DIP2C: variants seen among roughly 807,000 people sequenced by gnomAD.
DIP2C encodes disco-interacting protein 2 homolog C.
A neutral mutation model predicts 192.4 loss-of-function variants in DIP2C; 33 were observed. The observed-to-expected ratio is 0.17, with a 90% CI of 0.13 to 0.23. The LOEUF (loss-of-function observed/expected upper bound fraction) is 0.23, where lower values mean the gene tolerates loss of function less well. DIP2C is among the 10% of genes least tolerant of loss of function. The probability of loss-of-function intolerance (pLI) is 1.00; values close to 1 mark genes in which losing one functional copy is unlikely to be tolerated. For synonymous variants in DIP2C, 979 were observed against 864.1 expected (o/e 1.13, Z -2.33); for missense variants, 1,537 against 2,110.1 (o/e 0.73, Z 5.32).
chr10:387,802 G>C lies in DIP2C; in HGVS notation c.1605C>G (p.Thr535=), dbSNP rs756938154. Residue 535 remains threonine, a synonymous_variant, in exon 14 of 37, where the codon ACC becomes ACG. Coordinates refer to ENST00000280886, the MANE Select transcript of DIP2C (RefSeq NM_014974.3). ...TQACGYTEAE[T]IVNVLDFKKD... is the part of the protein sequence containing the mutation. Reference sequence around the variant, plus strand: ...TCTTGAAATCCAGCACATTCACAATGGTTTCAGCTGCACAACAGAGGGAGT... The same window carrying C: ...TCTTGAAATCCAGCACATTCACAATCGTTTCAGCTGCACAACAGAGGGAGT... 21 of 1,614,124 alleles carry C rather than the reference G, an allele frequency of 1.3e-5. No individual in the cohort carries two copies. The South Asian group carries it at 2.2e-4, about 17-fold the overall frequency.
intron 17 of DIP2C, among the ~76,000 whole-genome samples, chr10:375,577 G>A (rs1472172816): frequency 1.3e-5 from 2 of 152,202 alleles, no homozygotes; most frequent in East Asian, 3.8e-4. Context: ...TTGCACCACT[G>A]ACTTGTCATA....
At chr10:449,470 C>G (rs1968650695) in intron 3 of DIP2C, among the ~76,000 whole-genome samples, 2 of 151,958 alleles carry the variant, frequency 1.3e-5, no homozygotes, top group African/African-American at 4.8e-5. Flanking sequence ...CGGTACTTTC[C>G]TACTCTTAAA....
rs71199933 is a variant in DIP2C at position 414,707 on chromosome 10, A to ATGTGTGTG, written c.860-605_860-598dup. On this transcript the variant is annotated intron_variant, in intron 7 of 36. Coordinates refer to ENST00000280886, the MANE Select transcript of DIP2C (RefSeq NM_014974.3). ...CCAGCTAATTTTAGAGTGTGTATGTATGTGTGTGTGTGTGTGTGTGTGTGT... is the reference window on the plus strand; with the variant it reads ...CCAGCTAATTTTAGAGTGTGTATGTATGTGTGTGTGTGTGTGTGTGTGTGTGTGTGTGT... Among the ~76,000 whole-genome samples, 43 of 47,796 alleles carry ATGTGTGTG rather than the reference A, an allele frequency of 9.0e-4. 1 individual carries two copies. The highest frequency in any genetic ancestry group is 2.0e-3 in the African/African-American group (22 of 10,972). 31.4% of individuals were successfully genotyped at this position (47,796 alleles called of 152,430 possible).
intron 1 of DIP2C, among the ~76,000 whole-genome samples, chr10:585,664 CCT>C (rs1850978595): frequency 2.0e-5 from 3 of 152,152 alleles, no homozygotes; most frequent in South Asian, 4.2e-4. Flanking sequence ...AGGGGCCTCA[CCT>C]CTGTCCTTTC....
intron 1 of DIP2C, among the ~76,000 whole-genome samples, chr10:613,286 G>GGCCTCC (rs1001015965): frequency 6.6e-6 from 1 of 152,220 alleles, no homozygotes; most frequent in African/African-American, 2.4e-5. Context: ...ACAGGTCCTC[G>GGCCTCC]GCCTCCGCCT....
chr10:476,778 G>A (rs1843067554), intron 2 of DIP2C, among the ~76,000 whole-genome samples: 1 of 152,132 alleles, frequency 6.6e-6, no homozygotes, highest in South Asian at 2.1e-4. Context: ...ACAGGAAGAA[G>A]CATTTTTGGA....
chr10:316,354 C>T (rs995809441), intron 31 of DIP2C, among the ~76,000 whole-genome samples: 2 of 152,198 alleles, frequency 1.3e-5, no homozygotes, highest in African/African-American at 4.8e-5. Flanking sequence ...AACACTGACA[C>T]TGGATGTCTT....
intron 1 of DIP2C, among the ~76,000 whole-genome samples, chr10:640,497 G>A (rs914668327): frequency 4.6e-5 from 7 of 152,144 alleles, no homozygotes. Flanking sequence ...GTTTCTTACT[G>A]CACCTCAATA....
chr10:468,031 C>T (rs1970361728), intron 3 of DIP2C, among the ~76,000 whole-genome samples: 1 of 152,124 alleles, frequency 6.6e-6, no homozygotes, highest in Admixed American at 6.5e-5. Context: ...GGTCACAGAC[C>T]TCGAGCTGCC....
At chr10:617,610 G>A (rs140938411) in intron 1 of DIP2C, among the ~76,000 whole-genome samples, 1 of 152,114 alleles carries the variant, frequency 6.6e-6, no homozygotes, top group Non-Finnish European at 1.5e-5. Flanking sequence ...CCACGTAGCG[G>A]CCACCAGCAA....
chr10:598,394 A>T (rs1392851454), intron 1 of DIP2C, among the ~76,000 whole-genome samples: 1 of 152,260 alleles, frequency 6.6e-6, no homozygotes, highest in African/African-American at 2.4e-5. Context: ...ATGAAGAATC[A>T]CAACATGGAC....
At chr10:485,136 A>G (rs1843918111) in intron 2 of DIP2C, among the ~76,000 whole-genome samples, 1 of 152,198 alleles carries the variant, frequency 6.6e-6, no homozygotes, top group South Asian at 2.1e-4. Context: ...GCGCTGGAGA[A>G]CCGTCCTGGC....
At chr10:311,292 A>T (rs1956554573) in intron 31 of DIP2C, among the ~76,000 whole-genome samples, 1 of 152,236 alleles carries the variant, frequency 6.6e-6, no homozygotes, top group South Asian at 2.1e-4. Context: ...GTGAAGAATT[A>T]AGTACAACAG....
At chr10:499,677 AG>A (rs1363298421) in intron 1 of DIP2C, among the ~76,000 whole-genome samples, 3 of 152,370 alleles carry the variant, frequency 2.0e-5, no homozygotes, top group Non-Finnish European at 2.9e-5. Flanking sequence ...AGGACAGCAT[AG>A]GGGAATCCAC....
At chr10:670,175 C>CAT (rs1242435923) in intron 1 of DIP2C, among the ~76,000 whole-genome samples, 1 of 152,052 alleles carries the variant, frequency 6.6e-6, no homozygotes, top group East Asian at 1.9e-4. Context: ...CATGCATGAA[C>CAT]ATGTACACGT....
At chr10:410,404 C>T (rs533240280) in intron 8 of DIP2C, among the ~76,000 whole-genome samples, 2 of 152,334 alleles carry the variant, frequency 1.3e-5, no homozygotes, top group Admixed American at 6.5e-5. Context: ...TCTTCCTTAG[C>T]TCCTCATCCT....
In DIP2C at chr10:417,886, A is replaced by G. The variant is rs67108110; in HGVS notation, c.739+1179T>C. Among the ~76,000 whole-genome samples, 121 of 43,546 alleles carry G rather than the reference A, an allele frequency of 2.8e-3. 17 individuals carry two copies. Among genetic ancestry groups the G allele is most frequent in the Non-Finnish European group, 4.0e-3 (93 of 23,124 alleles). The allele number at this position is 43,546 out of a possible 152,430, so 28.6% of individuals were successfully genotyped here. On this transcript the variant is annotated intron_variant, in intron 6 of 36. Coordinates refer to ENST00000280886, the MANE Select transcript of DIP2C (RefSeq NM_014974.3). ...CGGACAGGCCTCCCTGTCCACCTGC[A>G]CCTGTCAGGGCTCGGATAGGCCTCC...
chr10:414,890 G>GTGTGTA (rs1452383924), intron 7 of DIP2C, among the ~76,000 whole-genome samples: 8 of 36,128 alleles, frequency 2.2e-4, no homozygotes, highest in East Asian at 5.5e-4. Context: ...GTGTGTGTGT[G>GTGTGTA]TATATATATA....
intron 1 of DIP2C, among the ~76,000 whole-genome samples, chr10:672,507 A>G (rs1414777462): frequency 1.3e-5 from 2 of 152,200 alleles, no homozygotes; most frequent in Non-Finnish European, 2.9e-5. Context: ...GAGCAGGTTC[A>G]CATCCATCAA....
Sources: gnomAD v4.1 joint callset for allele counts (sites outside exome capture counted in the v4.1 genomes callset) on GRCh38, gnomAD v4.1.1 for gene constraint, MANE v1.5 for transcripts, NCBI Gene and HGNC (gene_info 2026-07-23, HGNC 2026-07-21) for gene names.